FGF12: variants seen among roughly 807,000 people sequenced by gnomAD.
FGF12 encodes the protein fibroblast growth factor 12B.
In FGF12, 14 loss-of-function variants were observed where a neutral mutation model predicts 23.6. The observed-to-expected ratio is 0.59, with a 90% CI of 0.39 to 0.93. The LOEUF (loss-of-function observed/expected upper bound fraction) is 0.93, where lower values mean the gene tolerates loss of function less well. FGF12 is among the 40% of genes least tolerant of loss of function. The probability of loss-of-function intolerance (pLI) is 0.00; values close to 1 mark genes in which losing one functional copy is unlikely to be tolerated. For synonymous variants in FGF12, 62 were observed against 77.3 expected, an observed-to-expected ratio of 0.80 and a Z score of 1.04; for missense variants, 175 against 217.8, an observed-to-expected ratio of 0.80 and a Z score of 1.24.
chr3:192,622,008 C>T (rs1473136032), intron 2 of FGF12, among the ~76,000 whole-genome samples: 3 of 152,132 alleles, frequency 2.0e-5, no homozygotes, highest in African/African-American at 7.2e-5. Context: ...TGGTGAGTAG[C>T]CCACTGAGGA....
At chr3:192,170,380 G>A (rs2108618496) in intron 5 of FGF12, 78 bp downstream of exon 5, 1 of 1,224,006 alleles carries the variant, frequency 8.2e-7, no homozygotes. Flanking sequence ...CAAACTCTCT[G>A]GACCAAAAGG....
chr3:192,392,529 G>A (rs1313130971), intron 2 of FGF12, among the ~76,000 whole-genome samples: 1 of 151,658 alleles, frequency 6.6e-6, no homozygotes, highest in Non-Finnish European at 1.5e-5. Context: ...TCAGGAGGTG[G>A]AGGTTGCAGT....
At chr3:192,652,901 C>G (rs1340525245) in intron 2 of FGF12, among the ~76,000 whole-genome samples, 1 of 152,188 alleles carries the variant, frequency 6.6e-6, no homozygotes, top group East Asian at 1.9e-4. Flanking sequence ...TGGGAATAAA[C>G]TAGGAATTTA....
chr3:192,165,473 C>T (rs956148606), intron 5 of FGF12, among the ~76,000 whole-genome samples: 2 of 151,722 alleles, frequency 1.3e-5, no homozygotes, highest in African/African-American at 4.8e-5. Flanking sequence ...TAACGACTGC[C>T]ACACAATGTC....
At chr3:192,401,734 C>T (rs564699927) in intron 2 of FGF12, among the ~76,000 whole-genome samples, 2 of 152,284 alleles carry the variant, frequency 1.3e-5, no homozygotes, top group Non-Finnish European at 2.9e-5. Context: ...CAAGGCCCTG[C>T]GGTTCTTGCC....
chr3:192,427,760 A>C (rs754779205), intron 2 of FGF12, among the ~76,000 whole-genome samples: 3 of 152,188 alleles, frequency 2.0e-5, no homozygotes, highest in African/African-American at 7.2e-5. Context: ...GAGAGCATCA[A>C]TGTCACTAAG....
rs529015409 is a variant in FGF12 at position 192,347,390 on chromosome 3, A to G, written c.125-11926T>C. ...ATTTTAACACAATTACAATGCAGTT[A>G]AAGTTTTGAGAAGTGCTGTGTGCTT... On this transcript the variant is annotated intron_variant, in intron 3 of 5. Coordinates refer to ENST00000445105, the MANE Select transcript of FGF12 (RefSeq NM_004113.6). Among the ~76,000 whole-genome samples the G allele has an allele frequency of 2.0e-5, 3 of 152,310 alleles. No individual in the cohort carries two copies. The East Asian group carries it at 5.8e-4, about 29-fold the overall frequency.
At chr3:192,425,956 T>C (rs1388577234) in intron 2 of FGF12, among the ~76,000 whole-genome samples, 1 of 152,206 alleles carries the variant, frequency 6.6e-6, no homozygotes, top group Non-Finnish European at 1.5e-5. Context: ...TGGATATAAA[T>C]AGCACTTGAG....
intron 4 of FGF12, among the ~76,000 whole-genome samples, chr3:192,312,397 T>C (rs1715996955): frequency 6.7e-6 from 1 of 149,416 alleles, no homozygotes; most frequent in African/African-American, 2.5e-5. Context: ...ATGTGAAAAC[T>C]TAGCCTTTAA....
intron 2 of FGF12, among the ~76,000 whole-genome samples, chr3:192,608,514 C>T (rs1281703995): frequency 6.6e-6 from 1 of 152,058 alleles, no homozygotes; most frequent in Non-Finnish European, 1.5e-5. Flanking sequence ...AAGGAGCCAT[C>T]AGCACATGCA....
intron 2 of FGF12, among the ~76,000 whole-genome samples, chr3:192,715,740 A>T (rs970965533): frequency 3.3e-5 from 5 of 152,196 alleles, no homozygotes; most frequent in African/African-American, 1.2e-4. Context: ...AGTTCTTCCT[A>T]GGTTTCTCTT....
Position 192,699,718 on chromosome 3 carries a change from TAATGAA to T in FGF12, c.13+27457_13+27462del, listed in dbSNP as rs1718234424. Among the ~76,000 whole-genome samples, 6 of 152,298 alleles carry T rather than the reference TAATGAA, an allele frequency of 3.9e-5. No individual in the cohort carries two copies. The South Asian group carries it at 1.2e-3, about 32-fold the overall frequency. ...CCAATTAATTTTGTGTAGTCAACTC[TAATGAA>T]ATATTAGATCACTCAGTAAGTATTC... On this transcript the variant is annotated intron_variant, in intron 2 of 5. Transcript: ENST00000445105.
chr3:192,148,534 T>G (rs1484618805), intron 5 of FGF12, among the ~76,000 whole-genome samples: 2 of 152,162 alleles, frequency 1.3e-5, no homozygotes, highest in Non-Finnish European at 2.9e-5. Context: ...ATGGTGATGT[T>G]TGCACAACAA....
chr3:192,376,128 T>C (rs1576924581), intron 2 of FGF12, among the ~76,000 whole-genome samples: 2 of 151,874 alleles, frequency 1.3e-5, no homozygotes, highest in Non-Finnish European at 2.9e-5. Flanking sequence ...CAGGACTCCA[T>C]TGAAATGCAT....
At chr3:192,529,633 A>C (rs1725038552) in intron 2 of FGF12, among the ~76,000 whole-genome samples, 1 of 152,158 alleles carries the variant, frequency 6.6e-6, no homozygotes, top group Admixed American at 6.5e-5. Context: ...AGACTGGGCA[A>C]TTTACAAAAG....
intron 4 of FGF12, among the ~76,000 whole-genome samples, chr3:192,275,143 AT>A (rs1447559146): frequency 6.6e-6 from 1 of 152,272 alleles, no homozygotes; most frequent in East Asian, 1.9e-4. Context: ...ATAGGAAGCC[AT>A]TCGTTTAGAC....
chr3:192,520,455 C>T (rs1724789090), intron 2 of FGF12, among the ~76,000 whole-genome samples: 1 of 152,122 alleles, frequency 6.6e-6, no homozygotes, highest in South Asian at 2.1e-4. Context: ...TACAAGAGTA[C>T]AGTATTTATG....
chr3:192,536,836 A>C (rs889898590), intron 2 of FGF12, among the ~76,000 whole-genome samples: 28 of 152,100 alleles, frequency 1.8e-4, no homozygotes, highest in African/African-American at 6.0e-4. Context: ...GTTAATTTTA[A>C]ATATATAGTA....
At chr3:192,703,859 G>A (rs570757187) in intron 2 of FGF12, among the ~76,000 whole-genome samples, 9 of 152,280 alleles carry the variant, frequency 5.9e-5, no homozygotes, top group Admixed American at 5.9e-4. Flanking sequence ...GCATGACTGT[G>A]CCCAGCTAAT....
Sources: allele counts gnomAD v4.1 joint callset (sites outside exome capture counted in the v4.1 genomes callset), GRCh38; gene constraint gnomAD v4.1.1; transcripts MANE v1.5; gene names NCBI Gene and HGNC (gene_info 2026-07-23, HGNC 2026-07-21).